SLC6A6: variants seen among roughly 807,000 people sequenced by gnomAD.
SLC6A6 encodes solute carrier family 6 member 6, also known as sodium- and chloride-dependent taurine transporter.
Under a neutral mutation model 68.8 loss-of-function variants are expected in SLC6A6, and 16 were observed. That is an observed-to-expected ratio of 0.23 (90% CI 0.16 to 0.35). The LOEUF (loss-of-function observed/expected upper bound fraction) is 0.35, where lower values mean the gene tolerates loss of function less well. Ranked by LOEUF, SLC6A6 falls within the 10% of genes least tolerant of loss-of-function variation. The pLI, the probability that SLC6A6 is intolerant of heterozygous loss-of-function variation, is 1.00. For synonymous variants in SLC6A6, 312 were observed against 315.4 expected, an observed-to-expected ratio of 0.99 and a Z score of 0.12; for missense variants, 474 against 802.8, an observed-to-expected ratio of 0.59 and a Z score of 4.95.
chr3:14,404,921 T>C (rs1699072194), intron 1 of SLC6A6, among the ~76,000 whole-genome samples: 1 of 152,232 alleles, frequency 6.6e-6, no homozygotes, highest in Non-Finnish European at 1.5e-5. Flanking sequence ...CTCCTTCCCG[T>C]CACCTCAACC....
intron 1 of SLC6A6, chr3:14,411,273 T>G (rs1323339211): frequency 6.6e-6 from 1 of 152,306 alleles, no homozygotes; most frequent in Non-Finnish European, 1.5e-5. Context: ...CTTTCCTTGT[T>G]TGTAGTCTGG....
intron 5 of SLC6A6, among the ~76,000 whole-genome samples, chr3:14,449,735 C>CATT (rs564524573): frequency 1.5e-3 from 221 of 152,062 alleles, no homozygotes; most frequent in East Asian, 0.011. Flanking sequence ...CCTGAGAATC[C>CATT]ATTATTATTA....
At chr3:14,466,983 G>T (rs1700635310) in intron 7 of SLC6A6, among the ~76,000 whole-genome samples, 1 of 152,228 alleles carries the variant, frequency 6.6e-6, no homozygotes, top group Admixed American at 6.5e-5. Flanking sequence ...TCTGCCCACT[G>T]CAGCCACAAG....
chr3:14,424,212 G>T (rs552056900), intron 2 of SLC6A6, among the ~76,000 whole-genome samples: 4 of 152,070 alleles, frequency 2.6e-5, no homozygotes, highest in Non-Finnish European at 5.9e-5. Context: ...GACTTTTGCT[G>T]TGGTTCAGGC....
At chr3:14,432,562 C>T (rs1699749887) in intron 2 of SLC6A6, 1 of 152,364 alleles carries the variant, frequency 6.6e-6, no homozygotes, top group Admixed American at 6.5e-5. Flanking sequence ...ACCCTTCACC[C>T]AGCCCCTGCA....
intron 1 of SLC6A6, among the ~76,000 whole-genome samples, chr3:14,404,596 C>T (rs998430073): frequency 6.6e-6 from 1 of 152,198 alleles, no homozygotes; most frequent in African/African-American, 2.4e-5. Context: ...GATTTAAGTC[C>T]TATGCTTTGT....
chr3:14,476,189 A>G (rs976131034), intron 10 of SLC6A6, among the ~76,000 whole-genome samples: 13 of 152,222 alleles, frequency 8.5e-5, no homozygotes, highest in African/African-American at 2.9e-4. Flanking sequence ...TGTGCTCTTT[A>G]ACCCCAAAGC....
intron 2 of SLC6A6, among the ~76,000 whole-genome samples, chr3:14,417,541 C>T (rs893365978): frequency 6.6e-6 from 1 of 152,226 alleles, no homozygotes; most frequent in East Asian, 1.9e-4. Flanking sequence ...ACCATCCTGG[C>T]TAACACGGTG....
chr3:14,470,295 G>T (rs1361350198), intron 9 of SLC6A6, among the ~76,000 whole-genome samples: 2 of 152,196 alleles, frequency 1.3e-5, no homozygotes, highest in African/African-American at 4.8e-5. Context: ...GCACATCAAG[G>T]GTGATTATTT....
chr3:14,455,407 T>C (rs1574948045), intron 5 of SLC6A6, among the ~76,000 whole-genome samples: 1 of 152,006 alleles, frequency 6.6e-6, no homozygotes, highest in Admixed American at 6.5e-5. Context: ...GGCTCTGGAG[T>C]ATTAAGCTTC....
chr3:14,470,479 G>A (rs1049553917), intron 9 of SLC6A6, among the ~76,000 whole-genome samples: 5 of 152,186 alleles, frequency 3.3e-5, no homozygotes, highest in African/African-American at 1.2e-4. Flanking sequence ...TCTCTCTTGA[G>A]TTCACCATGC....
chr3:14,479,029 AGCT>A, intron 12 of SLC6A6, 53 bp from the exon 13 acceptor site: 1 of 1,119,190 alleles, frequency 8.9e-7, no homozygotes. Context: ...ATGGCCCCTG[AGCT>A]GCTGCTGGCC....
At chr3:14,417,868 G>A (rs1699400811) in intron 2 of SLC6A6, among the ~76,000 whole-genome samples, 1 of 152,096 alleles carries the variant, frequency 6.6e-6, no homozygotes, top group Non-Finnish European at 1.5e-5. Context: ...TTGTCTCAGT[G>A]TTTACAGCAG....
intron 6 of SLC6A6, among the ~76,000 whole-genome samples, chr3:14,465,217 T>C (rs1700588840): frequency 6.6e-6 from 1 of 152,162 alleles, no homozygotes; most frequent in Non-Finnish European, 1.5e-5. Context: ...GGAAAATCCA[T>C]CCATGAGAAC....
chr3:14,438,668 GC>G (rs1236851096), intron 2 of SLC6A6, among the ~76,000 whole-genome samples: 1 of 152,180 alleles, frequency 6.6e-6, no homozygotes, highest in African/African-American at 2.4e-5. Context: ...GAGAAACCTG[GC>G]CCAGAGATCC....
chr3:14,478,331 T>C (rs1700929059), intron 11 of SLC6A6, 135 bp from the exon 12 acceptor site: 1 of 667,904 alleles, frequency 1.5e-6, no homozygotes, highest in South Asian at 1.8e-5. Flanking sequence ...TTTGTATATT[T>C]ATCTGGTCAT....
intron 6 of SLC6A6, among the ~76,000 whole-genome samples, chr3:14,464,527 A>T (rs1294296008): frequency 6.6e-6 from 1 of 152,236 alleles, no homozygotes; most frequent in Non-Finnish European, 1.5e-5. Flanking sequence ...GGCTGAGGGC[A>T]GCTGAGCTAA....
chr3:14,445,450 G>A (rs932098404), intron 3 of SLC6A6, among the ~76,000 whole-genome samples: 16 of 150,034 alleles, frequency 1.1e-4, no homozygotes, highest in Non-Finnish European at 2.1e-4. Flanking sequence ...AAAAAAGAAA[G>A]AAAGAAAGAA....
At chr3:14,475,326 C>T (rs1700850965) in intron 10 of SLC6A6, among the ~76,000 whole-genome samples, 1 of 152,046 alleles carries the variant, frequency 6.6e-6, no homozygotes, top group South Asian at 2.1e-4. Context: ...ACCACTGCAC[C>T]CAGCTGGGAC....
Sources: gnomAD v4.1 joint callset for allele counts (sites outside exome capture counted in the v4.1 genomes callset) on GRCh38, gnomAD v4.1.1 for gene constraint, MANE v1.5 for transcripts, NCBI Gene and HGNC (gene_info 2026-07-23, HGNC 2026-07-21) for gene names.